Variants in ARID5B observed in about 807,000 individuals in gnomAD.
ARID5B encodes the protein AT-rich interactive domain-containing protein 5B.
A neutral mutation model predicts 97.2 loss-of-function variants in ARID5B; 13 were observed. The observed-to-expected ratio is 0.13, with a 90% CI of 0.09 to 0.21. ARID5B has a LOEUF of 0.21. Ranked by LOEUF, ARID5B falls within the 10% of genes least tolerant of loss-of-function variation. ARID5B has a pLI of 1.00. For missense variants in ARID5B, 1,210 were observed against 1,465.3 expected (o/e 0.83, Z 2.84); for synonymous variants, 556 against 570.3 (o/e 0.97, Z 0.36).
chr10:61,998,395 A>G (rs1015722300), intron 3 of ARID5B, among the ~76,000 whole-genome samples: 1 of 152,202 alleles, frequency 6.6e-6, no homozygotes, highest in African/African-American at 2.4e-5. Context: ...AGCAAGTGAC[A>G]TGTCTGGGAA....
chr10:61,911,957 C>G (rs771300274), intron 2 of ARID5B, among the ~76,000 whole-genome samples: 1 of 152,162 alleles, frequency 6.6e-6, no homozygotes, highest in Non-Finnish European at 1.5e-5. Context: ...AACCGCCTAC[C>G]CCAACCCTCC....
At chr10:62,080,905 T>A (rs1002189589) in intron 8 of ARID5B, among the ~76,000 whole-genome samples, 1 of 152,012 alleles carries the variant, frequency 6.6e-6, no homozygotes, top group African/African-American at 2.4e-5. Context: ...TCACTTCAGC[T>A]TCTGCCACTG....
chr10:61,980,286 G>A (rs909269454), intron 3 of ARID5B, among the ~76,000 whole-genome samples: 13 of 152,164 alleles, frequency 8.5e-5, no homozygotes, highest in African/African-American at 3.1e-4. Context: ...AGAAGACAGT[G>A]ACTCTGTCAT....
intron 4 of ARID5B, among the ~76,000 whole-genome samples, chr10:62,015,262 C>T (rs1283574241): frequency 6.6e-6 from 1 of 152,124 alleles, no homozygotes; most frequent in African/African-American, 2.4e-5. Flanking sequence ...ATTATCTCCT[C>T]GATTTTCACA....
At position 62,008,061 on chromosome 10, in the gene ARID5B, A is replaced by AACACACACACAC. The variant is rs369982502; in HGVS notation, c.733+7767_733+7778dup. 9.6e-3 allele frequency among the ~76,000 whole-genome samples: 637 copies of AACACACACACAC among 66,558 alleles called. 2 individuals carry two copies. Among genetic ancestry groups the AACACACACACAC allele is most frequent in the East Asian group, 0.042 (95 of 2,242 alleles). 43.7% of individuals were successfully genotyped at this position (66,558 alleles called of 152,430 possible). A position where few individuals can be genotyped will look rare whatever the true frequency, so the allele number is the denominator to read the frequency against. On this transcript the variant is annotated intron_variant, in intron 4 of 9. Transcript: ENST00000279873. ...CCTCCACCCACCTCCCCCGCCCCACAACACACACACACACACACACACACA... is the reference window on the plus strand; with the variant it reads ...CCTCCACCCACCTCCCCCGCCCCACAACACACACACACACACACACACACACACACACACACA...
intron 3 of ARID5B, among the ~76,000 whole-genome samples, chr10:61,995,546 C>A (rs995052694): frequency 6.6e-6 from 1 of 152,020 alleles, no homozygotes; most frequent in Non-Finnish European, 1.5e-5. Context: ...GTTTTAGGAT[C>A]ACAGAATTTT....
intron 3 of ARID5B, among the ~76,000 whole-genome samples, chr10:61,956,898 C>T (rs796523417): frequency 1.4e-4 from 22 of 152,302 alleles, no homozygotes; most frequent in African/African-American, 5.3e-4. Context: ...GGGTATTCCT[C>T]CAGTTATCTG....
At chr10:61,970,578 G>A (rs1838612396) in intron 3 of ARID5B, among the ~76,000 whole-genome samples, 1 of 152,176 alleles carries the variant, frequency 6.6e-6, no homozygotes, top group African/African-American at 2.4e-5. Flanking sequence ...GCCCTGTTTT[G>A]CTGTCAGTTT....
chr10:61,969,404 A>G (rs1266581033), intron 3 of ARID5B, among the ~76,000 whole-genome samples: 2 of 152,076 alleles, frequency 1.3e-5, no homozygotes, highest in South Asian at 2.1e-4. Context: ...AATATGCATT[A>G]TGCACACTGT....
intron 2 of ARID5B, among the ~76,000 whole-genome samples, chr10:61,924,579 G>A (rs1467334336): frequency 6.6e-6 from 1 of 152,186 alleles, no homozygotes; most frequent in Non-Finnish European, 1.5e-5. Flanking sequence ...ACTGTGCTAA[G>A]TGAACAGAGT....
intron 3 of ARID5B, among the ~76,000 whole-genome samples, chr10:61,975,518 C>T (rs1215526543): frequency 6.6e-6 from 1 of 151,958 alleles, no homozygotes; most frequent in Non-Finnish European, 1.5e-5. Context: ...CCAGCTGAGT[C>T]ATCCTAGACA....
At chr10:61,961,486 G>T in intron 3 of ARID5B, among the ~76,000 whole-genome samples, 1 of 152,142 alleles carries the variant, frequency 6.6e-6, no homozygotes, top group East Asian at 1.9e-4. Flanking sequence ...GGTTGGAACC[G>T]GTTGCGCTGA....
chr10:61,903,143 C>T (rs1313144495), intron 2 of ARID5B, among the ~76,000 whole-genome samples: 2 of 152,114 alleles, frequency 1.3e-5, no homozygotes, highest in Non-Finnish European at 2.9e-5. Flanking sequence ...AGTGGACGTC[C>T]TCCTGCGCGA....
chr10:61,968,008 G>A (rs1370704718), intron 3 of ARID5B, among the ~76,000 whole-genome samples: 1 of 151,354 alleles, frequency 6.6e-6, no homozygotes, highest in Middle Eastern at 3.2e-3. Context: ...TTAAGCCTTG[G>A]ATTTTTAGAA....
intron 3 of ARID5B, among the ~76,000 whole-genome samples, chr10:61,941,247 G>T (rs1844405387): frequency 6.7e-6 from 1 of 150,326 alleles, no homozygotes; most frequent in African/African-American, 2.4e-5. Flanking sequence ...TAGTTCTATT[G>T]CTTTTTCTTA....
At chr10:62,089,604 C>G (rs1304979962) in intron 9 of ARID5B, among the ~76,000 whole-genome samples, 1 of 150,900 alleles carries the variant, frequency 6.6e-6, no homozygotes, top group Non-Finnish European at 1.5e-5. Flanking sequence ...CTCGGCTCAC[C>G]GCATCCTCCA....
intron 5 of ARID5B, among the ~76,000 whole-genome samples, chr10:62,054,998 T>C (rs936956689): frequency 1.3e-5 from 2 of 152,194 alleles, no homozygotes; most frequent in Non-Finnish European, 2.9e-5. Context: ...ATCTAGCTCA[T>C]TGTAGGTGCT....
intron 4 of ARID5B, among the ~76,000 whole-genome samples, chr10:62,032,531 A>G (rs1589266397): frequency 6.6e-6 from 1 of 152,016 alleles, no homozygotes; most frequent in South Asian, 2.1e-4. Context: ...CCTGGCCAAC[A>G]TGGTGAAACC....
chr10:62,092,354 G>T lies in ARID5B; in HGVS notation c.2891G>T (p.Gly964Val). 1 of 1,614,098 alleles carries T rather than the reference G, an allele frequency of 6.2e-7. No homozygotes were observed. Among genetic ancestry groups the T allele is most frequent in the East Asian group, 2.2e-5 (1 of 44,888 alleles). Residue 964 changes from glycine to valine, a missense_variant, in exon 10 of 10, where the codon GGC (glycine) becomes GTC (valine). This residue lies in a region of ARID5B where 800 missense variants were observed against 839.1 expected (regional missense o/e 0.95). Transcript: ENST00000279873. ...CGGGTATCACCCATGACCATGTCAG[G>T]CCCTAAAAAATACCCTGAATCGCTT... The part of the protein sequence containing the change: ...ACRVSPMTMS[G>V]PKKYPESLSR...
Sources: gnomAD v4.1 joint callset for allele counts (sites outside exome capture counted in the v4.1 genomes callset) on GRCh38, gnomAD v4.1.1 for gene constraint, gnomAD v4.1.1 regional missense constraint, MANE v1.5 for transcripts, NCBI Gene and HGNC (gene_info 2026-07-23, HGNC 2026-07-21) for gene names.